The following SMARCA4 variants were observed in gnomAD, a reference collection of about 807,000 sequenced individuals.
SMARCA4 encodes the protein SWI/SNF-related matrix-associated actin-dependent regulator of chromatin subfamily A member 4.
Under a neutral mutation model 193.9 loss-of-function variants are expected in SMARCA4, and 31 were observed. The observed-to-expected ratio is 0.16, with a 90% CI of 0.12 to 0.22. SMARCA4 has a LOEUF of 0.22. SMARCA4 is among the 10% of genes least tolerant of loss of function. SMARCA4 has a pLI of 1.00. For synonymous variants in SMARCA4, 942 were observed against 933.1 expected, an observed-to-expected ratio of 1.01 and a Z score of -0.17; for missense variants, 1,148 against 2,296.0, an observed-to-expected ratio of 0.50 and a Z score of 10.22.
At chr19:10,975,017 CT>C (rs760199710) in intron 1 of SMARCA4, among the ~76,000 whole-genome samples, 4,908 of 101,046 alleles carry the variant, frequency 0.049, 46 homozygotes, top group African/African-American at 0.082. Flanking sequence ...TATAGTTATT[CT>C]TTTTTTTTTT....
At chr19:11,016,268 G>A (rs549184602) in intron 16 of SMARCA4, among the ~76,000 whole-genome samples, 1 of 152,070 alleles carries the variant, frequency 6.6e-6, no homozygotes, top group African/African-American at 2.4e-5. Context: ...GAGGGTTCAC[G>A]AGGCCGTTCA....
chr19:11,030,860 G>C lies in SMARCA4; in HGVS notation c.3513G>C (p.Val1171=), dbSNP rs775981674. The part of the protein sequence containing the change: ...LGLNLQSADT[V]IIFDSDWNPH... ...TGAACCTCCAGTCGGCAGACACTGT[G>C]ATCATTTTTGACAGCGACTGGAATC... The change falls in exon 25 of 35, where the codon GTG becomes GTC. Residue 1171 remains valine (V), a synonymous_variant. Transcript: ENST00000344626. This position sits in a 1 kb window ranked among gnomAD's most constrained non-coding sequence, Gnocchi z 5.5. The C allele has an allele frequency of 3.7e-6, 6 of 1,610,484 alleles. No individual in the cohort carries two copies. The South Asian group carries it at 6.6e-5, about 18-fold the overall frequency.
At chr19:11,061,208 T>C (rs1459814583) in intron 34 of SMARCA4, among the ~76,000 whole-genome samples, 1 of 54,868 alleles carries the variant, frequency 1.8e-5, no homozygotes, top group African/African-American at 1.2e-4. Flanking sequence ...AAAAAAAATA[T>C]ATATATATAT....
At chr19:10,971,506 T>TC (rs1555742632) in intron 1 of SMARCA4, among the ~76,000 whole-genome samples, 5 of 147,996 alleles carry the variant, frequency 3.4e-5, no homozygotes, top group African/African-American at 1.2e-4. Context: ...TTTTTTTTTT[T>TC]CTCTTTGAGA....
chr19:11,012,526 C>CTTA (rs1262253190), intron 15 of SMARCA4: 1 of 269,834 alleles, frequency 3.7e-6, no homozygotes, highest in African/African-American at 2.2e-5. Flanking sequence ...AAATCCCTCT[C>CTTA]TTAATCTTGA....
At position 11,039,711 on chromosome 19, in the gene SMARCA4, G is replaced by A. The variant is rs558561813; in HGVS notation, c.4171-1596G>A. On this transcript the variant is annotated intron_variant, in intron 29 of 34. Transcript: ENST00000344626. ...TTTTTAAATGCCCAGCTACTCAGGAGGCTAAGATGGGAAGATCACTTGAGC... is the reference window on the plus strand; with the variant it reads ...TTTTTAAATGCCCAGCTACTCAGGAAGCTAAGATGGGAAGATCACTTGAGC... 27 of 405,320 alleles carry A rather than the reference G, an allele frequency of 6.7e-5. No individual in the cohort carries two copies. In the South Asian group the frequency reaches 2.1e-3, roughly 32 times the overall value. The allele number at this position is 405,320 out of a possible 1,614,324, so 25.1% of individuals were successfully genotyped here.
intron 30 of SMARCA4, among the ~76,000 whole-genome samples, chr19:11,044,292 ATCT>A (rs374677424): frequency 3.3e-5 from 5 of 152,158 alleles, no homozygotes; most frequent in African/African-American, 1.2e-4. Flanking sequence ...ACGGGAGAAA[ATCT>A]TCATGAGTAG....
rs2146373140 is a variant in SMARCA4 at position 11,019,601 on chromosome 19, C to G, written c.2516C>G (p.Ala839Gly). ...CTGCTTCCCTTGCAGGGATCCCCAG[C>G]AGCAAGACGGGCCTTTGTCCCCCAG... Reference protein sequence around the residue: ...VVKVSYKGSPAARRAFVPQLR... With the variant: ...VVKVSYKGSPGARRAFVPQLR... The change falls in exon 18 of 35, where the codon GCA (alanine) becomes GGA (glycine). Residue 839 changes from alanine to glycine, a missense_variant. Transcript: ENST00000344626. This position sits in a 1 kb window ranked among gnomAD's most constrained non-coding sequence, Gnocchi z 6.1. 1 of 1,610,558 alleles carries G rather than the reference C, an allele frequency of 6.2e-7. No homozygotes were observed. The highest frequency in any genetic ancestry group is 8.5e-7 in the Non-Finnish European group (1 of 1,178,124).
At chr19:11,043,851 G>A (rs55872347) in intron 30 of SMARCA4, among the ~76,000 whole-genome samples, 3,304 of 152,170 alleles carry the variant, frequency 0.022, 54 homozygotes, top group Middle Eastern at 0.075. Context: ...ATGGTGATGC[G>A]TGCTTGAGCT....
chr19:10,980,085 C>T (rs1402060667), intron 1 of SMARCA4, among the ~76,000 whole-genome samples: 1 of 152,154 alleles, frequency 6.6e-6, no homozygotes, highest in Admixed American at 6.5e-5. Context: ...TCATCACAGG[C>T]TTTGGCACTG....
At chr19:11,047,249 C>T (rs1031327549) in intron 30 of SMARCA4, among the ~76,000 whole-genome samples, 8 of 152,096 alleles carry the variant, frequency 5.3e-5, no homozygotes, top group Admixed American at 4.6e-4. Flanking sequence ...ATGTATGGGG[C>T]CTCTTGGGGG....
In SMARCA4 at chr19:11,033,062, G is replaced by C. The variant is rs942531353; in HGVS notation, c.3547-228G>C. 16 of 624,638 alleles carry C rather than the reference G, an allele frequency of 2.6e-5. No individual in the cohort carries two copies. The African/African-American group carries it at 2.9e-4, about 11-fold the overall frequency. The allele number at this position is 624,638 out of a possible 1,614,324, so 38.7% of individuals were successfully genotyped here. A position where few individuals can be genotyped will look rare whatever the true frequency, so the allele number is the denominator to read the frequency against. Reference sequence around the variant, plus strand: ...ATATCTGTGGGGTCCCAATAAGGTAGAAGGTGGCACTTCTGGAGGAACGTG... The same window carrying C: ...ATATCTGTGGGGTCCCAATAAGGTACAAGGTGGCACTTCTGGAGGAACGTG... On this transcript the variant is annotated intron_variant, in intron 25 of 34. Transcript: ENST00000344626. This position sits in a 1 kb window ranked among gnomAD's most constrained non-coding sequence, Gnocchi z 9.8.
At chr19:11,047,969 T>C (rs953040721) in intron 30 of SMARCA4, among the ~76,000 whole-genome samples, 1 of 152,152 alleles carries the variant, frequency 6.6e-6, no homozygotes, top group Non-Finnish European at 1.5e-5. Flanking sequence ...TTATTATTAT[T>C]ATTATTTGCC....
At position 11,019,601 on chromosome 19, in the gene SMARCA4, C is replaced by T. The variant is rs2146373140; in HGVS notation, c.2516C>T (p.Ala839Val). 6.2e-7 allele frequency: 1 copy of T among 1,610,558 alleles called. No homozygotes were observed. Among genetic ancestry groups the T allele is most frequent in the Non-Finnish European group, 8.5e-7 (1 of 1,178,124 alleles). Residue 839 changes from alanine to valine, a missense_variant, in exon 18 of 35, where the codon GCA becomes GTA. Transcript: ENST00000344626. The surrounding 1 kb of genome is among the most constrained non-coding windows in gnomAD (Gnocchi z 6.1). ...CTGCTTCCCTTGCAGGGATCCCCAG[C>T]AGCAAGACGGGCCTTTGTCCCCCAG... Reference protein sequence around the residue: ...VVKVSYKGSPAARRAFVPQLR... With the variant: ...VVKVSYKGSPVARRAFVPQLR...
intron 13 of SMARCA4, among the ~76,000 whole-genome samples, chr19:11,003,837 A>T (rs1486919298): frequency 1.9e-4 from 25 of 128,420 alleles, no homozygotes; most frequent in South Asian, 1.0e-3. Context: ...TCAGCCTCCC[A>T]AGTAGCTGGG....
chr19:10,969,857 G>A (rs1430292531), intron 1 of SMARCA4, among the ~76,000 whole-genome samples: 3 of 151,990 alleles, frequency 2.0e-5, no homozygotes, highest in African/African-American at 7.3e-5. Flanking sequence ...TTATCAGACC[G>A]TGCCACTCCC....
chr19:10,997,161 A>G (rs2087144740), intron 11 of SMARCA4, among the ~76,000 whole-genome samples: 1 of 152,082 alleles, frequency 6.6e-6, no homozygotes. Context: ...CTGGGATTAT[A>G]GGCATCCACC....
intron 16 of SMARCA4, among the ~76,000 whole-genome samples, chr19:11,017,962 G>A (rs967295977): frequency 8.5e-5 from 13 of 152,236 alleles, no homozygotes; most frequent in Admixed American, 5.9e-4. Context: ...CAGCAGAAGC[G>A]CAAGGCTGCT....
intron 30 of SMARCA4, among the ~76,000 whole-genome samples, chr19:11,045,326 A>G (rs1284927109): frequency 6.6e-6 from 1 of 152,162 alleles, no homozygotes; most frequent in East Asian, 1.9e-4. Flanking sequence ...TCTAAAAAAA[A>G]AAAGAGGGCC....
Sources: gnomAD v4.1 joint callset for allele counts (sites outside exome capture counted in the v4.1 genomes callset) on GRCh38, gnomAD v4.1.1 for gene constraint, Gnocchi (gnomAD v3.1) non-coding constraint, MANE v1.5 for transcripts, NCBI Gene and HGNC (gene_info 2026-07-23, HGNC 2026-07-21) for gene names.